The following PTAR1 variants were observed in gnomAD, a reference collection of about 807,000 sequenced individuals.
PTAR1 encodes protein prenyltransferase alpha subunit repeat-containing protein 1.
Under a neutral mutation model 45.5 loss-of-function variants are expected in PTAR1, and 17 were observed. The ratio of observed to expected loss-of-function variants is 0.37; its 90% CI spans 0.26 to 0.56. PTAR1 has a LOEUF of 0.56. PTAR1 is among the 20% of genes least tolerant of loss of function. PTAR1 has a pLI of 0.77. For synonymous variants in PTAR1, 169 were observed against 171.3 expected (o/e 0.99, Z 0.11); for missense variants, 391 against 476.3 (o/e 0.82, Z 1.67).
chr9:69,740,332 T>C (rs745498790), intron 3 of PTAR1, among the ~76,000 whole-genome samples: 1 of 152,038 alleles, frequency 6.6e-6, no homozygotes, highest in African/African-American at 2.4e-5. Context: ...ATCTTAGGCC[T>C]AGGTTTTTTT....
intron 5 of PTAR1, among the ~76,000 whole-genome samples, chr9:69,726,221 A>T (rs1359776781): frequency 6.6e-6 from 1 of 152,126 alleles, no homozygotes; most frequent in Non-Finnish European, 1.5e-5. Flanking sequence ...GGCAGAAAAC[A>T]AATCTTTCAG....
chr9:69,750,748 A>G, intron 2 of PTAR1, 33 bp downstream of exon 2: 1 of 1,545,982 alleles, frequency 6.5e-7, no homozygotes, highest in Non-Finnish European at 8.8e-7. Context: ...TCGCTTCTAA[A>G]AACCAAATGA....
intron 3 of PTAR1, among the ~76,000 whole-genome samples, chr9:69,739,663 A>T (rs1013503845): frequency 6.6e-6 from 1 of 152,170 alleles, no homozygotes; most frequent in Non-Finnish European, 1.5e-5. Context: ...AGTTCTGTGT[A>T]TTTGATACGC....
At chr9:69,758,241 T>C (rs1395724232) in intron 1 of PTAR1, 4 of 152,238 alleles carry the variant, frequency 2.6e-5, no homozygotes, top group Non-Finnish European at 4.4e-5. Context: ...TCAAATATAA[T>C]GATGCTCTTT....
Position 69,716,509 on chromosome 9 carries a change from A to C in PTAR1, c.*1833T>G, listed in dbSNP as rs1472101697. The C allele has an allele frequency of 6.6e-6, 1 of 152,156 alleles. No homozygotes were observed. The highest frequency in any genetic ancestry group is 6.6e-5 in the Admixed American group (1 of 15,256). The allele number at this position is 152,156 out of a possible 1,614,324, so 9.4% of individuals were successfully genotyped here. ...TTCTTAAGTCTCAACTCACTTCAACAGTCTGCCACTCAACAAAACCATGAT... is the reference window on the plus strand; with the variant it reads ...TTCTTAAGTCTCAACTCACTTCAACCGTCTGCCACTCAACAAAACCATGAT... On this transcript the variant is annotated 3_prime_UTR_variant, in exon 8 of 8. Coordinates refer to ENST00000340434, the MANE Select transcript of PTAR1 (RefSeq NM_001099666.2).
At chr9:69,759,827 G>A (rs1400360589) in intron 1 of PTAR1, 26 bp downstream of exon 1, 11 of 1,511,492 alleles carry the variant, frequency 7.3e-6, no homozygotes, top group Non-Finnish European at 9.7e-6. Flanking sequence ...GACGACCCTC[G>A]GAGGCGGCGG....
chr9:69,734,203 C>T lies in PTAR1; in HGVS notation c.375G>A (p.Leu125=), dbSNP rs777060947. Residue 125 remains leucine, a synonymous_variant, in exon 4 of 8, where the codon CTG becomes CTA. Coordinates refer to ENST00000340434, the MANE Select transcript of PTAR1 (RefSeq NM_001099666.2). ...GTLNPIKDLH[L]GKLALTKFPK... The stretch of plus-strand genomic sequence containing the variant: ...GAAACTTGGTTAAGGCGAGTTTTCC[C>T]AGATGTAAATCCTTAATTGGATTTA... 10 of 1,559,796 alleles carry T rather than the reference C, an allele frequency of 6.4e-6. No homozygotes were observed. The highest frequency in any genetic ancestry group is 6.1e-6 in the Non-Finnish European group (7 of 1,151,266).
At chr9:69,752,297 G>A (rs906338795) in intron 1 of PTAR1, among the ~76,000 whole-genome samples, 2 of 151,886 alleles carry the variant, frequency 1.3e-5, no homozygotes, top group Non-Finnish European at 2.9e-5. Flanking sequence ...TCTTTTTGTT[G>A]GGCCACTATC....
At chr9:69,740,681 C>G (rs1564140483) in intron 3 of PTAR1, among the ~76,000 whole-genome samples, 1 of 150,600 alleles carries the variant, frequency 6.6e-6, no homozygotes, top group Admixed American at 6.6e-5. Flanking sequence ...AGACATGGTC[C>G]CTGCCCTTAA....
At chr9:69,753,873 G>A (rs1256293906) in intron 1 of PTAR1, among the ~76,000 whole-genome samples, 1 of 152,130 alleles carries the variant, frequency 6.6e-6, no homozygotes, top group Non-Finnish European at 1.5e-5. Context: ...TGAAACACAG[G>A]AATAGTATCT....
In PTAR1 at chr9:69,748,294, C is replaced by G. The variant is rs554297500; in HGVS notation, c.256+2487G>C. Among the ~76,000 whole-genome samples the G allele has an allele frequency of 9.2e-5, 14 of 152,134 alleles. No homozygotes were observed. The South Asian group carries it at 2.9e-3, about 32-fold the overall frequency. ...CAGAGAGCTCTGTCCAGAAAGAACT[C>G]CAATGCTGTGGTCTTCCCTCCTGCT... On this transcript the variant is annotated intron_variant, in intron 2 of 7. Coordinates refer to ENST00000340434, the MANE Select transcript of PTAR1 (RefSeq NM_001099666.2).
chr9:69,748,328 C>A (rs572606902), intron 2 of PTAR1, among the ~76,000 whole-genome samples: 2 of 151,906 alleles, frequency 1.3e-5, no homozygotes, highest in Admixed American at 6.6e-5. Context: ...CTTCTTATAT[C>A]TGTTATGGAT....
chr9:69,733,333 C>T (rs1825634060), intron 4 of PTAR1, among the ~76,000 whole-genome samples: 1 of 152,094 alleles, frequency 6.6e-6, no homozygotes, highest in Admixed American at 6.6e-5. Context: ...GCAATGTTAA[C>T]TAAAGGCACG....
chr9:69,759,921 C>A lies in PTAR1; in HGVS notation c.18G>T (p.Glu6Asp), dbSNP rs868784855. 6.6e-7 allele frequency: 1 copy of A among 1,517,408 alleles called. No individual in the cohort carries two copies. The highest frequency in any genetic ancestry group is 2.1e-5 in the Admixed American group (1 of 47,396). 94.0% of individuals were successfully genotyped at this position (1,517,408 alleles called of 1,614,324 possible). Residue 6 changes from glutamate to aspartate, a missense_variant, in exon 1 of 8, where the codon GAG (glutamate) becomes GAT (aspartate). Glu to Asp is a conservative substitution (Grantham distance 45). Transcript: ENST00000340434. MAETS[E>D]EVAVLVQRVV... ...CCCGCTGCACCAGCACCGCCACCTC[C>A]TCGCTGGTCTCGGCCATGTTGGCGG...
At chr9:69,743,971 A>G (rs977483665) in intron 2 of PTAR1, among the ~76,000 whole-genome samples, 4 of 152,228 alleles carry the variant, frequency 2.6e-5, no homozygotes, top group Non-Finnish European at 5.9e-5. Context: ...TAAATAAATA[A>G]AGTGGTCACG....
chr9:69,744,574 C>T (rs1256323370), intron 2 of PTAR1, among the ~76,000 whole-genome samples: 4 of 151,962 alleles, frequency 2.6e-5, no homozygotes, highest in South Asian at 2.1e-4. Context: ...TTAGTAGAGA[C>T]GGTGTTTCAC....
At chr9:69,723,738 T>C in intron 5 of PTAR1, 108 bp from the exon 6 acceptor site, 1 of 841,992 alleles carries the variant, frequency 1.2e-6, no homozygotes, top group East Asian at 2.5e-5. Context: ...GACAAGACCA[T>C]TCTTACCAAT....
chr9:69,727,111 G>A (rs1825326680), intron 5 of PTAR1, among the ~76,000 whole-genome samples: 1 of 151,706 alleles, frequency 6.6e-6, no homozygotes, highest in Non-Finnish European at 1.5e-5. Context: ...TATACACTGT[G>A]AAATGATTAC....
intron 5 of PTAR1, among the ~76,000 whole-genome samples, chr9:69,726,806 T>C (rs531603951): frequency 6.6e-6 from 1 of 152,174 alleles, no homozygotes; most frequent in Admixed American, 6.5e-5. Context: ...GTGATAGTCA[T>C]TATTTTTCTT....
Sources: gnomAD v4.1 joint callset for allele counts (sites outside exome capture counted in the v4.1 genomes callset) on GRCh38, gnomAD v4.1.1 for gene constraint, MANE v1.5 for transcripts, NCBI Gene and HGNC (gene_info 2026-07-23, HGNC 2026-07-21) for gene names.